Variants in FRMPD4 observed in about 807,000 individuals in gnomAD.
The protein encoded by FRMPD4 is FERM and PDZ domain-containing protein 4.
A neutral mutation model predicts 94.1 loss-of-function variants in FRMPD4; 22 were observed. The ratio of observed to expected loss-of-function variants is 0.23; its 90% CI spans 0.17 to 0.33. The LOEUF is 0.33. Ranked by LOEUF, FRMPD4 falls within the 10% of genes least tolerant of loss-of-function variation. FRMPD4 has a pLI of 1.00. For synonymous variants in FRMPD4, 631 were observed against 548.6 expected, an observed-to-expected ratio of 1.15 and a Z score of -2.10; for missense variants, 1,111 against 1,339.9, an observed-to-expected ratio of 0.83 and a Z score of 2.67.
chrX:12,692,416 T>C (rs1041861645), intron 8 of FRMPD4, among the ~76,000 whole-genome samples: 27 of 112,380 alleles, frequency 2.4e-4, no homozygotes, highest in African/African-American at 8.7e-4. Context: ...GTAGGCATGA[T>C]AAAAGTGGAG....
chrX:12,151,827 G>C (rs1456206189), intron 1 of FRMPD4, among the ~76,000 whole-genome samples: 1 of 111,662 alleles, frequency 9.0e-6, no homozygotes. Context: ...GTTGTTTCCA[G>C]TGTTTTGCTT....
intron 2 of FRMPD4, among the ~76,000 whole-genome samples, chrX:12,535,552 T>C (rs927090530): frequency 2.7e-5 from 3 of 112,323 alleles, no homozygotes; most frequent in African/African-American, 9.7e-5. Flanking sequence ...AGCTCCATAC[T>C]TACTGCTTAT....
chrX:12,491,355 T>G (rs531179090), intron 1 of FRMPD4, among the ~76,000 whole-genome samples: 288 of 112,303 alleles, frequency 2.6e-3, no homozygotes, highest in Non-Finnish European at 4.3e-3. Flanking sequence ...TTCCAGACTG[T>G]TTTTCTTGCC....
chrX:12,291,267 C>A (rs1196218187), intron 1 of FRMPD4, among the ~76,000 whole-genome samples: 2 of 112,031 alleles, frequency 1.8e-5, no homozygotes, highest in Non-Finnish European at 3.8e-5. Context: ...CTGAACTTTT[C>A]TCTCCTTTTG....
Position 12,477,732 on chromosome X carries a change from C to A in FRMPD4, c.42-20948C>A, listed in dbSNP as rs758076011. 3.5e-5 allele frequency among the ~76,000 whole-genome samples: 4 copies of A among 112,865 alleles called. No homozygotes were observed. In the South Asian group the frequency reaches 1.5e-3, roughly 42 times the overall value. Reference sequence around the variant, plus strand: ...ACAAATATTTGTTACATGCTCATTACATGCAAGTATAATTTTGTAATGTGT... The same window carrying A: ...ACAAATATTTGTTACATGCTCATTAAATGCAAGTATAATTTTGTAATGTGT... On this transcript the variant is annotated intron_variant, in intron 1 of 16. Transcript: ENST00000675598.
At chrX:12,248,742 A>G (rs1190749408) in intron 1 of FRMPD4, among the ~76,000 whole-genome samples, 2 of 112,475 alleles carry the variant, frequency 1.8e-5, no homozygotes, top group Non-Finnish European at 3.8e-5. Flanking sequence ...TCATATACAT[A>G]TATTAAGAAA....
intron 3 of FRMPD4, among the ~76,000 whole-genome samples, chrX:12,016,433 T>TA (rs1038352426): frequency 1.3e-4 from 15 of 111,754 alleles, no homozygotes; most frequent in Non-Finnish European, 2.6e-4. Context: ...CTGTCTTTTT[T>TA]AAAAAAAATA....
At chrX:11,838,088 C>T (rs1181150955) in intron 1 of FRMPD4, among the ~76,000 whole-genome samples, 1 of 111,218 alleles carries the variant, frequency 9.0e-6, no homozygotes, top group African/African-American at 3.3e-5. Flanking sequence ...TTACATTTGG[C>T]ACCTTGTCTA....
At chrX:12,685,563 T>TTGTTTC (rs1471876737) in intron 6 of FRMPD4, among the ~76,000 whole-genome samples, 1 of 85,772 alleles carries the variant, frequency 1.2e-5, no homozygotes, top group Non-Finnish European at 2.2e-5. Flanking sequence ...GTTTTGTTTT[T>TTGTTTC]TGTTTTTGTT....
At chrX:12,551,376 T>C (rs1230849280) in intron 2 of FRMPD4, among the ~76,000 whole-genome samples, 1 of 110,729 alleles carries the variant, frequency 9.0e-6, no homozygotes, top group Non-Finnish European at 1.9e-5. Flanking sequence ...AAACATATAA[T>C]GACACTGAAA....
At chrX:12,349,031 A>G (rs952537118) in intron 1 of FRMPD4, among the ~76,000 whole-genome samples, 5 of 111,848 alleles carry the variant, frequency 4.5e-5, no homozygotes, top group Non-Finnish European at 3.8e-5. Context: ...GGGGAGGCAG[A>G]TGGGAAACGC....
chrX:12,439,907 A>G (rs981738075), intron 1 of FRMPD4, among the ~76,000 whole-genome samples: 19 of 112,187 alleles, frequency 1.7e-4, no homozygotes, highest in African/African-American at 6.2e-4. Flanking sequence ...GGGGGGTTGA[A>G]AACTAGAGTT....
intron 1 of FRMPD4, among the ~76,000 whole-genome samples, chrX:11,853,982 A>T (rs1014230904): frequency 3.6e-5 from 4 of 112,181 alleles, no homozygotes; most frequent in African/African-American, 9.7e-5. Flanking sequence ...GTTCATTGGC[A>T]TGCTGCTATG....
intron 2 of FRMPD4, among the ~76,000 whole-genome samples, chrX:12,593,738 A>G (rs1181201158): frequency 9.0e-6 from 1 of 111,067 alleles, no homozygotes; most frequent in Admixed American, 9.6e-5. Context: ...CCTCGGTCTC[A>G]TGTTTCTTTT....
At chrX:12,235,373 A>G (rs778622317) in intron 1 of FRMPD4, among the ~76,000 whole-genome samples, 2 of 112,369 alleles carry the variant, frequency 1.8e-5, no homozygotes, top group South Asian at 7.4e-4. Flanking sequence ...ATGGTAGTTC[A>G]TGCCTTTCTT....
chrX:12,075,077 T>C (rs762842918), intron 3 of FRMPD4, among the ~76,000 whole-genome samples: 28 of 112,464 alleles, frequency 2.5e-4, no homozygotes, highest in African/African-American at 8.7e-4. Context: ...ATGCCTGTTA[T>C]GTTTATTTGG....
intron 1 of FRMPD4, among the ~76,000 whole-genome samples, chrX:12,286,860 G>A (rs1316677270): frequency 9.0e-6 from 1 of 111,500 alleles, no homozygotes; most frequent in Admixed American, 9.5e-5. Flanking sequence ...AGAAATGAAA[G>A]TGATAACGCT....
intron 1 of FRMPD4, among the ~76,000 whole-genome samples, chrX:11,831,944 T>C (rs1375644788): frequency 1.8e-5 from 2 of 112,289 alleles, no homozygotes; most frequent in African/African-American, 3.2e-5. Context: ...TTATGACTTA[T>C]GAGTGTTTAG....
intron 3 of FRMPD4, among the ~76,000 whole-genome samples, chrX:12,032,807 A>C (rs1891368849): frequency 8.9e-6 from 1 of 112,110 alleles, no homozygotes; most frequent in African/African-American, 3.2e-5. Context: ...GTCTAAGATA[A>C]AGTCATCTGA....
Sources: allele counts gnomAD v4.1 joint callset (sites outside exome capture counted in the v4.1 genomes callset), GRCh38; gene constraint gnomAD v4.1.1; transcripts MANE v1.5; gene names NCBI Gene and HGNC (gene_info 2026-07-23, HGNC 2026-07-21).